The following BICC1 variants were observed in gnomAD, a reference collection of about 807,000 sequenced individuals.
BICC1 encodes the protein protein bicaudal C homolog 1.
Under a neutral mutation model 111.0 loss-of-function variants are expected in BICC1, and 43 were observed. The observed-to-expected ratio is 0.39, with a 90% CI of 0.30 to 0.50. The LOEUF (loss-of-function observed/expected upper bound fraction) is 0.50. Ranked by LOEUF, BICC1 falls within the 20% of genes least tolerant of loss-of-function variation. The pLI, the probability that BICC1 is intolerant of heterozygous loss-of-function variation, is 0.88. For missense variants in BICC1, 1,091 were observed against 1,203.2 expected, an observed-to-expected ratio of 0.91 and a Z score of 1.38; for synonymous variants, 467 against 434.4, an observed-to-expected ratio of 1.07 and a Z score of -0.93.
intron 2 of BICC1, among the ~76,000 whole-genome samples, chr10:58,660,731 A>AAC (rs1838816537): frequency 6.6e-6 from 1 of 152,106 alleles, no homozygotes; most frequent in East Asian, 1.9e-4. Context: ...CATAGGACTG[A>AAC]TGCCTCTGCC....
intron 2 of BICC1, among the ~76,000 whole-genome samples, chr10:58,651,777 T>C (rs143813033): frequency 3.0e-4 from 46 of 152,296 alleles, no homozygotes; most frequent in Middle Eastern, 6.8e-3. Flanking sequence ...GTGATTCTAT[T>C]TGAAAATAAG....
intron 1 of BICC1, among the ~76,000 whole-genome samples, chr10:58,586,316 C>T (rs1380056195): frequency 6.6e-6 from 1 of 152,022 alleles, no homozygotes; most frequent in Non-Finnish European, 1.5e-5. Context: ...AGACCCAATC[C>T]CTGTTTTATA....
At chr10:58,534,414 A>G (rs933545218) in intron 1 of BICC1, among the ~76,000 whole-genome samples, 1 of 151,762 alleles carries the variant, frequency 6.6e-6, no homozygotes, top group Non-Finnish European at 1.5e-5. Flanking sequence ...GCTCAACACC[A>G]AGCATATCAC....
At chr10:58,525,213 T>C (rs1280609755) in intron 1 of BICC1, among the ~76,000 whole-genome samples, 3 of 125,872 alleles carry the variant, frequency 2.4e-5, no homozygotes, top group East Asian at 4.9e-4. Context: ...CATTACTGGG[T>C]ATATACCCAA....
intron 2 of BICC1, among the ~76,000 whole-genome samples, chr10:58,701,672 T>C (rs1840241144): frequency 1.3e-5 from 2 of 152,142 alleles, no homozygotes; most frequent in African/African-American, 4.8e-5. Context: ...ACTCATGCAG[T>C]TTTGTATTAC....
At chr10:58,752,277 G>A (rs1036901695) in intron 3 of BICC1, among the ~76,000 whole-genome samples, 12 of 152,126 alleles carry the variant, frequency 7.9e-5, no homozygotes, top group South Asian at 2.1e-4. Context: ...TCATCAGCGC[G>A]TATTGATGGC....
chr10:58,785,782 G>A (rs1842994404), intron 4 of BICC1, among the ~76,000 whole-genome samples: 1 of 152,104 alleles, frequency 6.6e-6, no homozygotes, highest in South Asian at 2.1e-4. Flanking sequence ...ATTTGTTCAG[G>A]ACCCTAGAGC....
At chr10:58,532,502 T>A (rs1354216321) in intron 1 of BICC1, among the ~76,000 whole-genome samples, 1 of 151,758 alleles carries the variant, frequency 6.6e-6, no homozygotes, top group African/African-American at 2.4e-5. Flanking sequence ...TACAAAAAAT[T>A]TATGGGAATA....
rs879905122 is a variant in BICC1, at chr10:58,830,455, G to T, written c.*1564G>T. The T allele has an allele frequency of 1.3e-5, 2 of 152,158 alleles. No homozygotes were observed. Among genetic ancestry groups the T allele is most frequent in the Non-Finnish European group, 2.9e-5 (2 of 68,030 alleles). The allele number at this position is 152,158 out of a possible 1,614,324, so 9.4% of individuals were successfully genotyped here. On this transcript the variant is annotated 3_prime_UTR_variant, in exon 21 of 21. Transcript: ENST00000373886. ...ACATGGACATAAACCACTCTCACGT[G>T]CTCTCAGCAGAAGGCATTAGATAAG...
At chr10:58,793,834 A>G (rs1843258639) in intron 9 of BICC1, among the ~76,000 whole-genome samples, 2 of 152,172 alleles carry the variant, frequency 1.3e-5, no homozygotes, top group African/African-American at 4.8e-5. Context: ...GGATTTTCAT[A>G]TTAGGGATGC....
chr10:58,758,368 A>AT (rs1463885543), intron 3 of BICC1, among the ~76,000 whole-genome samples: 1 of 152,250 alleles, frequency 6.6e-6, no homozygotes, highest in Non-Finnish European at 1.5e-5. Context: ...CCCCTACCAA[A>AT]TTGACAATTC....
chr10:58,526,164 A>C (rs1658489), intron 1 of BICC1, among the ~76,000 whole-genome samples: 1 of 151,400 alleles, frequency 6.6e-6, no homozygotes, highest in Non-Finnish European at 1.5e-5. Flanking sequence ...GCAACAACTC[A>C]TGACATACAG....
chr10:58,713,070 C>T (rs370654822), intron 3 of BICC1, among the ~76,000 whole-genome samples: 5 of 152,088 alleles, frequency 3.3e-5, no homozygotes, highest in Admixed American at 6.5e-5. Context: ...TTTAAAAGCA[C>T]CATGAAATCT....
intron 3 of BICC1, among the ~76,000 whole-genome samples, chr10:58,740,187 G>T (rs1841613294): frequency 6.6e-6 from 1 of 152,072 alleles, no homozygotes; most frequent in Non-Finnish European, 1.5e-5. Context: ...CCCAGGGAAT[G>T]GTAGCTATTA....
rs1843354798 is a variant in BICC1 at position 58,796,416 on chromosome 10, G to A, written c.1256G>A (p.Ser419Asn). Residue 419 changes from serine to asparagine, a missense_variant, in exon 10 of 21, where the codon AGC becomes AAC. Transcript: ENST00000373886. The part of the protein sequence containing the change: ...EARKCLLGLE[S>N]SGVTIATSPS... The stretch of plus-strand genomic sequence containing the variant: ...AGGAAATGTCTCCTCGGACTTGAAA[G>A]CAGTGGGGTTACCATAGCAACCAGT... The A allele has an allele frequency of 1.2e-6, 2 of 1,614,004 alleles. No individual in the cohort carries two copies. The highest frequency in any genetic ancestry group is 1.3e-5 in the African/African-American group (1 of 74,928).
chr10:58,585,210 T>C (rs1241380705), intron 1 of BICC1, among the ~76,000 whole-genome samples: 1 of 152,218 alleles, frequency 6.6e-6, no homozygotes, highest in African/African-American at 2.4e-5. Context: ...TGAAAAGTTG[T>C]TTACTTTGGC....
chr10:58,685,487 A>G (rs962309767), intron 2 of BICC1, among the ~76,000 whole-genome samples: 17 of 152,040 alleles, frequency 1.1e-4, no homozygotes, highest in Non-Finnish European at 1.9e-4. Flanking sequence ...TTCCGTTATT[A>G]TTTTGTGGGA....
At chr10:58,816,068 A>G (rs1460472996) in intron 18 of BICC1, among the ~76,000 whole-genome samples, 3 of 152,150 alleles carry the variant, frequency 2.0e-5, no homozygotes, top group Admixed American at 6.5e-5. Context: ...GGGCATCCCT[A>G]TTTATACCAG....
At chr10:58,733,663 G>T (rs1458966272) in intron 3 of BICC1, among the ~76,000 whole-genome samples, 1 of 152,194 alleles carries the variant, frequency 6.6e-6, no homozygotes, top group African/African-American at 2.4e-5. Flanking sequence ...TTGGTCACTT[G>T]CTTACCCGGC....
Sources: gnomAD v4.1 joint callset for allele counts (sites outside exome capture counted in the v4.1 genomes callset) on GRCh38, gnomAD v4.1.1 for gene constraint, MANE v1.5 for transcripts, NCBI Gene and HGNC (gene_info 2026-07-23, HGNC 2026-07-21) for gene names.